CACNA1B: variants seen among roughly 807,000 people sequenced by gnomAD.
CACNA1B encodes the protein voltage-dependent N-type calcium channel subunit alpha-1B.
Under a neutral mutation model 247.2 loss-of-function variants are expected in CACNA1B, and 70 were observed. That is an observed-to-expected ratio of 0.28 (90% confidence interval 0.23 to 0.35). The LOEUF is 0.35. Ranked by LOEUF, CACNA1B falls within the 10% of genes least tolerant of loss-of-function variation. The pLI is 1.00. For missense variants in CACNA1B, 2,367 were observed against 3,197.4 expected (o/e 0.74, Z 6.26); for synonymous variants, 1,231 against 1,294.4 (o/e 0.95, Z 1.05).
Position 137,878,025 on chromosome 9 carries a change from G to C in CACNA1B, c.92G>C (p.Gly31Ala). Residue 31 changes from glycine (G) to alanine (A), a missense_variant, in exon 1 of 47, where the codon GGC (glycine) becomes GCC (alanine). By Grantham distance (60) the Gly-to-Ala change is moderately conservative. This residue lies in a region of CACNA1B where 11 missense variants were observed against 53.6 expected (regional missense o/e 0.21). Coordinates refer to ENST00000371372, the MANE Select transcript of CACNA1B (RefSeq NM_000718.4). ...GGCGGCGGGGCCGGCGGGGCGGGGG[G>C]CCCGGGTCCCGGGGGGCTGCAGCCC... is the stretch of plus-strand genomic sequence containing the variant. ...ARGGGAGGAG[G>A]PGPGGLQPGQ... The C allele has an allele frequency of 7.9e-7, 1 of 1,268,950 alleles. No individual in the cohort carries two copies. The highest frequency in any genetic ancestry group is 1.0e-6 in the Non-Finnish European group (1 of 1,001,254). 78.6% of individuals were successfully genotyped at this position (1,268,950 alleles called of 1,614,324 possible). A position where few individuals can be genotyped will look rare whatever the true frequency, so the allele number is the denominator to read the frequency against.
chr9:137,967,684 C>A (rs891841859), intron 10 of CACNA1B, among the ~76,000 whole-genome samples: 1 of 150,898 alleles, frequency 6.6e-6, no homozygotes, highest in Admixed American at 6.6e-5. Flanking sequence ...CTGCTGTGCC[C>A]ACTGCAAGTG....
At chr9:138,053,708 C>T (rs554655665) in intron 25 of CACNA1B, 138 bp from the exon 26 acceptor site, 51 of 452,424 alleles carry the variant, frequency 1.1e-4, no homozygotes, top group African/African-American at 6.6e-4. Context: ...CATTCCCTTA[C>T]GGCCATGCCC....
Position 137,948,550 on chromosome 9 carries a change from G to A in CACNA1B, c.967-3724G>A, listed in dbSNP as rs11137319. Reference sequence around the variant, plus strand: ...TCCCTTTGGTTCTGTAATCCAAAAAGTTATCAGAGACAAGTCTCAATCAAT... The same window carrying A: ...TCCCTTTGGTTCTGTAATCCAAAAAATTATCAGAGACAAGTCTCAATCAAT... On this transcript the variant is annotated intron_variant, in intron 6 of 46. Transcript: ENST00000371372. Among the ~76,000 whole-genome samples, 83 of 152,038 alleles carry A rather than the reference G, an allele frequency of 5.5e-4. No homozygotes were observed. The East Asian group carries it at 0.015, about 28-fold the overall frequency.
chr9:138,058,323 A>G lies in CACNA1B; in HGVS notation c.4308+73A>G, dbSNP rs369805876. The G allele has an allele frequency of 2.3e-5, 30 of 1,296,336 alleles. No individual in the cohort carries two copies. The African/African-American group carries it at 3.1e-4, about 13-fold the overall frequency. The allele number at this position is 1,296,336 out of a possible 1,614,324, so 80.3% of individuals were successfully genotyped here. A position where few individuals can be genotyped will look rare whatever the true frequency, so the allele number is the denominator to read the frequency against. On this transcript the variant is annotated intron_variant, in intron 28 of 46. Coordinates refer to ENST00000371372, the MANE Select transcript of CACNA1B (RefSeq NM_000718.4). This position sits in a 1 kb window ranked among gnomAD's most constrained non-coding sequence, Gnocchi z 4.7. Reference sequence around the variant, plus strand: ...CCATCAGGCTTCCCTCCTGCACACAAATCACTCACAGCTGGGTCAGCTTTG... The same window carrying G: ...CCATCAGGCTTCCCTCCTGCACACAGATCACTCACAGCTGGGTCAGCTTTG...
At position 137,955,374 on chromosome 9, in the gene CACNA1B, C is replaced by T. The variant is rs1957934525; in HGVS notation, c.1071-324C>T. On this transcript the variant is annotated intron_variant, in intron 7 of 46. Transcript: ENST00000371372. This position sits in a 1 kb window ranked among gnomAD's most constrained non-coding sequence, Gnocchi z 6.9. ...ATGCCTAGGTTGCTGTAGGCAGGGG[C>T]TGTGAAATTGTCCCTGCTCTCTAGA... is the stretch of plus-strand genomic sequence containing the variant. Among the ~76,000 whole-genome samples, 1 of 152,200 alleles carries T rather than the reference C, an allele frequency of 6.6e-6. No homozygotes were observed. The highest frequency in any genetic ancestry group is 1.5e-5 in the Non-Finnish European group (1 of 68,038).
At chr9:138,086,624 A>G (rs1564279772) in intron 36 of CACNA1B, among the ~76,000 whole-genome samples, 2 of 151,380 alleles carry the variant, frequency 1.3e-5, no homozygotes, top group Non-Finnish European at 2.9e-5. Flanking sequence ...TTGTCAATAT[A>G]TATGGACCCA....
At position 138,031,039 on chromosome 9, in the gene CACNA1B, ATTTCTTTTGATTTCTGCTGTT is replaced by A. The variant is rs1259528818; in HGVS notation, c.3286+5869_3286+5889del. Among the ~76,000 whole-genome samples, 1,035 of 151,804 alleles carry A rather than the reference ATTTCTTTTGATTTCTGCTGTT, an allele frequency of 6.8e-3. 3 individuals carry two copies. The highest frequency in any genetic ancestry group is 0.024 in the Middle Eastern group (7 of 294). ...TTTCCCTATTATTTTTCTGTTTTCA[ATTTCTTTTGATTTCTGCTGTT>A]TATTATTTCCTTCTTTCTGTTTGCT... On this transcript the variant is annotated intron_variant, in intron 20 of 46. Coordinates refer to ENST00000371372, the MANE Select transcript of CACNA1B (RefSeq NM_000718.4).
chr9:138,096,041 A>G (rs925397307), intron 36 of CACNA1B, among the ~76,000 whole-genome samples: 16 of 152,344 alleles, frequency 1.1e-4, no homozygotes, highest in Admixed American at 9.8e-4. Flanking sequence ...GTTGCACAAT[A>G]TTGTGAATAC....
At chr9:138,118,815 G>C (rs201274517) in intron 44 of CACNA1B, 47 bp downstream of exon 44, 1 of 807,722 alleles carries the variant, frequency 1.2e-6, no homozygotes, top group Non-Finnish European at 2.0e-6. Context: ...CAAGTGGGGG[G>C]TGGGGAAGTG....
In CACNA1B at chr9:138,051,349, C is replaced by T. The variant is rs1959269035; in HGVS notation, c.3711-743C>T. On this transcript the variant is annotated intron_variant, in intron 24 of 46. Transcript: ENST00000371372. The surrounding 1 kb of genome is among the most constrained non-coding windows in gnomAD (Gnocchi z 4.3). ...TCTGTACTTCTGCTTGCTTCTGTGC[C>T]TGGAATTTTCTTTCCCCGACTTCCT... Among the ~76,000 whole-genome samples, 2 of 151,720 alleles carry T rather than the reference C, an allele frequency of 1.3e-5. No homozygotes were observed. The highest frequency in any genetic ancestry group is 4.8e-5 in the African/African-American group (2 of 41,276).
Position 138,120,810 on chromosome 9 carries a change from A to G in CACNA1B, c.6418A>G (p.Lys2140Glu). Residue 2140 changes from lysine to glutamate, a missense_variant, in exon 46 of 47, where the codon AAG (lysine) becomes GAG (glutamate). Coordinates refer to ENST00000371372, the MANE Select transcript of CACNA1B (RefSeq NM_000718.4). ...CDRFGGREPP[K>E]PKPSLSSHPT... is the part of the protein sequence containing the mutation. ...CCGCTTTGGGGGCCGTGAGCCCCCG[A>G]AGCCCAAGCCCTCCCTCAGCAGCCA... The G allele has an allele frequency of 6.4e-7, 1 of 1,562,402 alleles. No individual in the cohort carries two copies. The highest frequency in any genetic ancestry group is 8.7e-7 in the Non-Finnish European group (1 of 1,153,740).
rs934851322 is a variant in CACNA1B, at chr9:137,988,210, G to A, written c.1974+1356G>A. On this transcript the variant is annotated intron_variant, in intron 15 of 46. Coordinates refer to ENST00000371372, the MANE Select transcript of CACNA1B (RefSeq NM_000718.4). The stretch of plus-strand genomic sequence containing the variant: ...ACGACGGGGAGGTCACAGGCCTGGA[G>A]CTGCCCGTAGGGTCCTGAATGTCAG... 2.0e-5 allele frequency among the ~76,000 whole-genome samples: 3 copies of A among 152,368 alleles called. No homozygotes were observed. The South Asian group carries it at 6.2e-4, about 32-fold the overall frequency.
At position 138,086,131 on chromosome 9, in the gene CACNA1B, A is replaced by G. The variant is rs545485051; in HGVS notation, c.5094+7873A>G. ...AAAATGACAGAAGTAAGTCCTACCT[A>G]TAAATGATAACCTTAAATGTAAATG... On this transcript the variant is annotated intron_variant, in intron 36 of 46. Transcript: ENST00000371372. 7.9e-5 allele frequency among the ~76,000 whole-genome samples: 12 copies of G among 151,472 alleles called. 1 individual carries two copies. The highest frequency in any genetic ancestry group is 2.7e-4 in the African/African-American group (11 of 41,058).
intron 39 of CACNA1B, among the ~76,000 whole-genome samples, chr9:138,106,929 G>A (rs1404875543): frequency 6.6e-6 from 1 of 152,048 alleles, no homozygotes; most frequent in Admixed American, 6.6e-5. Flanking sequence ...CACGTTGCTC[G>A]ACTCAAAGGC....
intron 3 of CACNA1B, among the ~76,000 whole-genome samples, chr9:137,895,908 A>G (rs1957166470): frequency 6.6e-6 from 1 of 152,174 alleles, no homozygotes; most frequent in Admixed American, 6.5e-5. Context: ...CTTTGTTCCA[A>G]ATTTCAGGAG....
At chr9:137,959,917 G>A (rs184729049) in intron 10 of CACNA1B, among the ~76,000 whole-genome samples, 1 of 152,350 alleles carries the variant, frequency 6.6e-6, no homozygotes, top group Non-Finnish European at 1.5e-5. Context: ...TCCGGAGGAG[G>A]AAGAGGTCAG....
chr9:137,983,987 C>A, intron 12 of CACNA1B, 151 bp from the exon 13 acceptor site: 1 of 657,212 alleles, frequency 1.5e-6, no homozygotes, highest in South Asian at 1.8e-5. Flanking sequence ...GAGGTGTGTG[C>A]CTTGTGTTAC....
intron 42 of CACNA1B, among the ~76,000 whole-genome samples, chr9:138,117,269 G>T (rs958973696): frequency 9.1e-6 from 1 of 109,876 alleles, no homozygotes; most frequent in Non-Finnish European, 1.9e-5. Flanking sequence ...AGGGATGGAA[G>T]GGCTCATTGT....
At chr9:138,109,093 G>A (rs769728740) in intron 39 of CACNA1B, among the ~76,000 whole-genome samples, 12 of 152,186 alleles carry the variant, frequency 7.9e-5, no homozygotes, top group Non-Finnish European at 1.3e-4. Flanking sequence ...TATAGAAAAA[G>A]CATTTGACAA....
Sources: allele counts gnomAD v4.1 joint callset (sites outside exome capture counted in the v4.1 genomes callset), GRCh38; gene constraint gnomAD v4.1.1; regional missense constraint gnomAD v4.1.1; non-coding constraint Gnocchi (gnomAD v3.1); transcripts MANE v1.5; gene names NCBI Gene and HGNC (gene_info 2026-07-23, HGNC 2026-07-21).